The following PDPN variants were observed in gnomAD, a reference collection of about 807,000 sequenced individuals.
The protein encoded by PDPN is podoplanin.
In PDPN, 12 loss-of-function variants were observed where a neutral mutation model predicts 23.2. The ratio of observed to expected loss-of-function variants is 0.52; its 90% CI spans 0.33 to 0.84. The LOEUF (loss-of-function observed/expected upper bound fraction) is 0.84, where lower values mean the gene tolerates loss of function less well. Ranked by LOEUF, PDPN falls within the 40% of genes least tolerant of loss-of-function variation. The pLI is 0.02. For synonymous variants in PDPN, 77 were observed against 76.7 expected, an observed-to-expected ratio of 1.00 and a Z score of -0.02; for missense variants, 199 against 212.2, an observed-to-expected ratio of 0.94 and a Z score of 0.39.
chr1:13,600,004 T>G (rs1570034270), intron 1 of PDPN, among the ~76,000 whole-genome samples: 1 of 152,316 alleles, frequency 6.6e-6, no homozygotes, highest in East Asian at 1.9e-4. Context: ...AAAGTTTAGA[T>G]TCGTCCAGAT....
At chr1:13,584,138 T>C in intron 1 of PDPN, 38 bp downstream of exon 1, 4 of 1,605,444 alleles carry the variant, frequency 2.5e-6, no homozygotes, top group Non-Finnish European at 3.4e-6. Flanking sequence ...CCGTCGCTGA[T>C]GGGGACGAGC....
chr1:13,610,265 C>T (rs538969017), intron 2 of PDPN, 122 bp from the exon 3 acceptor site: 1 of 716,316 alleles, frequency 1.4e-6, no homozygotes, highest in Non-Finnish European at 2.3e-6. Flanking sequence ...CTTCTACTTG[C>T]AATTCATGCC....
rs115906665 is a variant in PDPN at position 13,586,339 on chromosome 1, G to C, written c.67+2239G>C. 5.2e-3 allele frequency among the ~76,000 whole-genome samples: 793 copies of C among 152,314 alleles called. 4 individuals are homozygous for C. Among genetic ancestry groups the C allele is most frequent in the African/African-American group, 0.018 (760 of 41,562 alleles). On this transcript the variant is annotated intron_variant, in intron 1 of 5. Transcript: ENST00000621990. ...CACTTAATAAAGATCAGGTCTGTTA[G>C]AGGCTTTGTGAGGGAGGCCTCTGCA...
At chr1:13,595,303 A>G (rs1414859911) in intron 1 of PDPN, among the ~76,000 whole-genome samples, 1 of 152,140 alleles carries the variant, frequency 6.6e-6, no homozygotes, top group East Asian at 1.9e-4. Flanking sequence ...CAATTTGTCT[A>G]GTGACTTAAT....
intron 1 of PDPN, among the ~76,000 whole-genome samples, chr1:13,603,591 CTT>C (rs200337029): frequency 2.3e-4 from 32 of 140,950 alleles, no homozygotes; most frequent in South Asian, 4.6e-4. Context: ...TTCAGCCTAG[CTT>C]TTTTTTTTTT....
intron 1 of PDPN, among the ~76,000 whole-genome samples, chr1:13,596,198 CAA>C (rs74323863): frequency 4.1e-4 from 28 of 68,024 alleles, no homozygotes; most frequent in Admixed American, 6.1e-4. Flanking sequence ...GACTCCGTCT[CAA>C]AAAAAAAAAA....
chr1:13,592,133 C>T (rs558612273), intron 1 of PDPN, among the ~76,000 whole-genome samples: 1 of 152,188 alleles, frequency 6.6e-6, no homozygotes. Flanking sequence ...TTGTTTAAAT[C>T]CTTTGCTCAC....
chr1:13,586,683 C>T (rs991333041), intron 1 of PDPN, among the ~76,000 whole-genome samples: 1 of 150,662 alleles, frequency 6.6e-6, no homozygotes, highest in African/African-American at 2.5e-5. Context: ...ATACTCTTAT[C>T]TCGGAATATA....
rs946756503 is a variant in PDPN at position 13,607,407 on chromosome 1, A to G, written c.201+101A>G. 15 of 843,532 alleles carry G rather than the reference A, an allele frequency of 1.8e-5. No individual in the cohort carries two copies. The South Asian group carries it at 1.8e-4, about 10-fold the overall frequency. 52.3% of individuals were successfully genotyped at this position (843,532 alleles called of 1,614,324 possible). On this transcript the variant is annotated intron_variant, in intron 2 of 5. Transcript: ENST00000621990. Reference sequence around the variant, plus strand: ...ACTTTATATAAAAATATATCTATCTATAAAATCAGCATGAGCCACCATACC... The same window carrying G: ...ACTTTATATAAAAATATATCTATCTGTAAAATCAGCATGAGCCACCATACC...
At chr1:13,600,540 CT>C (rs925666901) in intron 1 of PDPN, among the ~76,000 whole-genome samples, 8 of 151,954 alleles carry the variant, frequency 5.3e-5, no homozygotes, top group African/African-American at 1.9e-4. Flanking sequence ...AATTTTTGTA[CT>C]TTTAGTAGAG....
At chr1:13,585,254 C>T (rs1333684873) in intron 1 of PDPN, among the ~76,000 whole-genome samples, 2 of 152,086 alleles carry the variant, frequency 1.3e-5, no homozygotes, top group Non-Finnish European at 2.9e-5. Flanking sequence ...GAGGGGTGCG[C>T]CTAACCTGGC....
chr1:13,596,763 G>A (rs1030279698), intron 1 of PDPN, among the ~76,000 whole-genome samples: 3 of 152,190 alleles, frequency 2.0e-5, no homozygotes, highest in Admixed American at 2.0e-4. Flanking sequence ...CAACTCAAAA[G>A]GTACAGCTAA....
intron 1 of PDPN, among the ~76,000 whole-genome samples, chr1:13,601,713 T>C (rs1387972340): frequency 3.9e-5 from 6 of 152,074 alleles, no homozygotes; most frequent in African/African-American, 1.2e-4. Context: ...TTTGAAGCAG[T>C]GGGGAAAAGA....
chr1:13,586,824 C>T (rs560824052), intron 1 of PDPN, among the ~76,000 whole-genome samples: 67 of 147,710 alleles, frequency 4.5e-4, no homozygotes, highest in African/African-American at 1.6e-3. Context: ...GGGGCCGAGG[C>T]GGGCGGATCA....
intron 1 of PDPN, among the ~76,000 whole-genome samples, chr1:13,605,116 A>G (rs537629304): frequency 1.3e-5 from 2 of 152,068 alleles, no homozygotes; most frequent in East Asian, 3.9e-4. Context: ...CAAAGAAGCT[A>G]TAATCAAATA....
intron 1 of PDPN, among the ~76,000 whole-genome samples, chr1:13,593,744 G>T (rs1421019045): frequency 6.6e-6 from 1 of 152,196 alleles, no homozygotes; most frequent in Non-Finnish European, 1.5e-5. Flanking sequence ...TTTCCATTCA[G>T]TTTCCGAGCA....
In PDPN at chr1:13,616,010, G is replaced by T; in HGVS notation, c.*99G>T. On this transcript the variant is annotated 3_prime_UTR_variant, in exon 6 of 6. Transcript: ENST00000621990. ...AGCTCGTGGGAGAAGATGACCCGTG[G>T]AACACTTGCCTGGCCCACTCAGAAT... The T allele has an allele frequency of 8.6e-7, 1 of 1,160,266 alleles. No homozygotes were observed. Among genetic ancestry groups the T allele is most frequent in the South Asian group, 1.2e-5 (1 of 81,062 alleles). 71.9% of individuals were successfully genotyped at this position (1,160,266 alleles called of 1,614,324 possible). A position where few individuals can be genotyped will look rare whatever the true frequency, so the allele number is the denominator to read the frequency against.
At chr1:13,614,552 A>C in intron 5 of PDPN, 141 bp downstream of exon 5, 5 of 630,948 alleles carry the variant, frequency 7.9e-6, no homozygotes, top group Non-Finnish European at 1.4e-5. Context: ...GGGCACCTGC[A>C]GACCAGCCTG....
At position 13,584,050 on chromosome 1, in the gene PDPN, C is replaced by G. The variant is rs765486157; in HGVS notation, c.17C>G (p.Ala6Gly). 4 of 1,613,276 alleles carry G rather than the reference C, an allele frequency of 2.5e-6. No homozygotes were observed. The highest frequency in any genetic ancestry group is 2.2e-5 in the East Asian group (1 of 44,882). ...ACGGGAACGATGTGGAAGGTGTCAG[C>G]TCTGCTCTTCGTTTTGGGAAGCGCG... MWKVS[A>G]LLFVLGSASL... The change falls in exon 1 of 6, where the codon GCT becomes GGT. Residue 6 changes from alanine (A) to glycine (G), a missense_variant. Coordinates refer to ENST00000621990, the MANE Select transcript of PDPN (RefSeq NM_006474.5).
Sources: gnomAD v4.1 joint callset for allele counts (sites outside exome capture counted in the v4.1 genomes callset) on GRCh38, gnomAD v4.1.1 for gene constraint, MANE v1.5 for transcripts, NCBI Gene and HGNC (gene_info 2026-07-23, HGNC 2026-07-21) for gene names.